Variants in ERCC1 observed in about 807,000 individuals in gnomAD.
ERCC1 encodes the protein DNA excision repair protein ERCC-1.
ERCC1 carries 36 observed loss-of-function variants against 37.6 expected under a neutral mutation model. The observed-to-expected ratio is 0.96, with a 90% CI of 0.73 to 1.26. The LOEUF is 1.26. ERCC1 is among the 50% of genes most tolerant of loss of function. The pLI, the probability that ERCC1 is intolerant of heterozygous loss-of-function variation, is 0.00. For synonymous variants in ERCC1, 156 were observed against 162.1 expected, an observed-to-expected ratio of 0.96 and a Z score of 0.28; for missense variants, 349 against 376.5, an observed-to-expected ratio of 0.93 and a Z score of 0.60.
intron 3 of ERCC1, 108 bp downstream of exon 3, chr19:45,421,070 G>A (rs930020235): frequency 4.5e-6 from 4 of 880,228 alleles, no homozygotes; most frequent in Non-Finnish European, 7.6e-6. Context: ...TGAATGAATG[G>A]GGAGAACAAA....
chr19:45,423,868 G>A lies in ERCC1; in HGVS notation c.-95C>T, dbSNP rs570934313. On this transcript the variant is annotated 5_prime_UTR_variant, in exon 1 of 10. Transcript: ENST00000300853. The stretch of plus-strand genomic sequence containing the variant: ...AGGGAAAGACTGCAGAGGGATCGAG[G>A]CGGCCCACTGCCAGCACGGCCAGCG... 6 of 1,108,092 alleles carry A rather than the reference G, an allele frequency of 5.4e-6. No homozygotes were observed. The highest frequency in any genetic ancestry group is 1.6e-5 in the African/African-American group (1 of 62,584). The allele number at this position is 1,108,092 out of a possible 1,614,324, so 68.6% of individuals were successfully genotyped here. A position where few individuals can be genotyped will look rare whatever the true frequency, so the allele number is the denominator to read the frequency against.
intron 2 of ERCC1, among the ~76,000 whole-genome samples, chr19:45,422,751 TG>T (rs1449730590): frequency 6.6e-6 from 1 of 151,082 alleles, no homozygotes; most frequent in Non-Finnish European, 1.5e-5. Context: ...AGCGAGACTC[TG>T]TCTCAAAAAA....
At chr19:45,430,248 A>G (rs1974800667) in intron 1 of ERCC1, among the ~76,000 whole-genome samples, 1 of 152,224 alleles carries the variant, frequency 6.6e-6, no homozygotes, top group Non-Finnish European at 1.5e-5. Context: ...TGATAAAATA[A>G]AATGACATTT....
At chr19:45,450,247 A>G (rs6509212) in intron 1 of ERCC1, among the ~76,000 whole-genome samples, 88,130 of 152,062 alleles carry the variant, frequency 0.58, 28,551 homozygotes, top group African/African-American at 0.87. Flanking sequence ...AAGCATGCCT[A>G]TGCACACGTG....
In ERCC1 at chr19:45,431,933, T is replaced by C. The variant is rs530813731; in HGVS notation, c.-7-8552A>G. ...ATTTTGGAAAACATGGTTATTTTCA[T>C]GTAAAAGATATAACTTACATTAACA... On this transcript the variant is annotated intron_variant, in intron 1 of 8. Transcript: ENST00000423698. Among the ~76,000 whole-genome samples the C allele has an allele frequency of 3.3e-5, 5 of 152,272 alleles. No individual in the cohort carries two copies. In the East Asian group the frequency reaches 9.6e-4, roughly 29 times the overall value.
upstream of ERCC1, among the ~76,000 whole-genome samples, chr19:45,426,826 A>G (rs566943681): frequency 8.4e-4 from 127 of 151,016 alleles, 1 homozygote; most frequent in Non-Finnish European, 1.2e-3. Context: ...TGGGCAAGGT[A>G]GCTCATGCCT....
rs142110500 is a variant in ERCC1, at chr19:45,446,678, C to A, written c.-7-23297G>T. 2.6e-3 allele frequency among the ~76,000 whole-genome samples: 401 copies of A among 152,242 alleles called. 2 individuals are homozygous for A. The highest frequency in any genetic ancestry group is 9.1e-3 in the African/African-American group (380 of 41,556). On this transcript the variant is annotated intron_variant, in intron 1 of 8. Coordinates refer to the ERCC1 transcript ENST00000423698. ...GCCCCAGGACTCCCGGAGCCATGTC[C>A]TCATCAGTCACATGGAGCCGGTGTA...
At chr19:45,426,972 A>C (rs1444943910), upstream of ERCC1, among the ~76,000 whole-genome samples, 2 of 150,896 alleles carry the variant, frequency 1.3e-5, no homozygotes, top group African/African-American at 4.9e-5. Context: ...AAAAAAAAAA[A>C]AAAAAAAAAA....
intron 6 of ERCC1, among the ~76,000 whole-genome samples, chr19:45,416,087 A>G (rs1374851632): frequency 6.6e-6 from 1 of 152,184 alleles, no homozygotes; most frequent in Non-Finnish European, 1.5e-5. Context: ...GTAACCTGTG[A>G]TAGCACCACT....
chr19:45,414,423 G>T (rs1354581436), intron 7 of ERCC1: 1 of 359,698 alleles, frequency 2.8e-6, no homozygotes, highest in Non-Finnish European at 5.3e-6. Context: ...GTTGCAGTGA[G>T]CCGAGATCAT....
Position 45,413,738 on chromosome 19 carries a change from T to G in ERCC1, c.782A>C (p.Glu261Ala), listed in dbSNP as rs142079682. Reference sequence around the variant, plus strand: ...TTCTCTTGATGCGGCGATGAGCTGTTCCAGAGACTGAAAGGTGAAAGCGAG... The same window carrying G: ...TTCTCTTGATGCGGCGATGAGCTGTGCCAGAGACTGAAAGGTGAAAGCGAG... ...QTLLTTFGSL[E>A]QLIAASREDL... The change falls in exon 9 of 10, where the codon GAA becomes GCA. Residue 261 changes from glutamate (E) to alanine (A), a missense_variant. Physicochemically the swap from Glu to Ala is moderately radical, Grantham distance 107 (BLOSUM62 -1). Transcript: ENST00000300853. 9.3e-6 allele frequency: 15 copies of G among 1,613,384 alleles called. No homozygotes were observed. Among genetic ancestry groups the G allele is most frequent in the African/African-American group, 1.3e-5 (1 of 74,896 alleles).
intron 1 of ERCC1, among the ~76,000 whole-genome samples, chr19:45,439,725 G>T (rs1466539306): frequency 6.6e-6 from 1 of 151,982 alleles, no homozygotes; most frequent in Non-Finnish European, 1.5e-5. Flanking sequence ...CTGCCGGCTC[G>T]CCGGCGCCCG....
chr19:45,439,749 C>T (rs1975070350), intron 1 of ERCC1, among the ~76,000 whole-genome samples: 1 of 151,946 alleles, frequency 6.6e-6, no homozygotes. Context: ...GCCCGGGAGG[C>T]GGGTGTGCAC....
chr19:45,419,786 T>C (rs1974289681), intron 4 of ERCC1, among the ~76,000 whole-genome samples: 2 of 152,132 alleles, frequency 1.3e-5, no homozygotes, highest in South Asian at 4.1e-4. Flanking sequence ...CAGTCAAGGA[T>C]GTCTGGGACA....
chr19:45,410,813 TG>T (rs1225334419), intron 9 of ERCC1: 5 of 152,006 alleles, frequency 3.3e-5, no homozygotes, highest in African/African-American at 9.6e-5. Flanking sequence ...CAGGATCTCA[TG>T]TTTTTTTTGT....
chr19:45,422,649 C>G (rs1049549681), intron 2 of ERCC1, among the ~76,000 whole-genome samples: 6 of 151,924 alleles, frequency 3.9e-5, no homozygotes, highest in Non-Finnish European at 8.8e-5. Flanking sequence ...CCCAGTTACT[C>G]GGGAGGCTGA....
chr19:45,417,760 C>G (rs1448598930), intron 5 of ERCC1, among the ~76,000 whole-genome samples: 1 of 152,062 alleles, frequency 6.6e-6, no homozygotes, highest in African/African-American at 2.4e-5. Context: ...AGTGCAGTGA[C>G]ATGATCTTGG....
Position 45,407,531 on chromosome 19 carries a change from C to T in ERCC1, c.*2144G>A. ...TTGGTGTTATCCACGACCATTAATC[C>T]TGCAACCTAAGCTTGCTCATTTATG... On this transcript the variant is annotated 3_prime_UTR_variant, in exon 10 of 10. Coordinates refer to ENST00000300853, the MANE Select transcript of ERCC1 (RefSeq NM_001983.4). The T allele has an allele frequency of 2.7e-6, 1 of 371,728 alleles. No homozygotes were observed. The highest frequency in any genetic ancestry group is 4.8e-6 in the Non-Finnish European group (1 of 208,836). The allele number at this position is 371,728 out of a possible 1,614,324, so 23.0% of individuals were successfully genotyped here.
intron 9 of ERCC1, 170 bp from the exon 10 acceptor site, chr19:45,409,895 A>ATTTTATT (rs553129115): frequency 4.1e-5 from 7 of 169,084 alleles, no homozygotes; most frequent in African/African-American, 1.9e-4. Context: ...TATTATTATT[A>ATTTTATT]TTTTTTTTTT....
Sources: allele counts gnomAD v4.1 joint callset (sites outside exome capture counted in the v4.1 genomes callset), GRCh38; gene constraint gnomAD v4.1.1; transcripts MANE v1.5; gene names NCBI Gene and HGNC (gene_info 2026-07-23, HGNC 2026-07-21).